PCDHGA5: variants seen among roughly 807,000 people sequenced by gnomAD.
PCDHGA5 encodes the protein protocadherin gamma subfamily A, 5, also known as protocadherin gamma-A5.
In PCDHGA5, 36 loss-of-function variants were observed where a neutral mutation model predicts 56.7. The ratio of observed to expected loss-of-function variants is 0.64; its 90% confidence interval spans 0.49 to 0.84. The LOEUF (loss-of-function observed/expected upper bound fraction) is 0.84, where lower values mean the gene tolerates loss of function less well. Among genes scored for constraint, PCDHGA5 ranks in the 40% least tolerant of loss-of-function variants. The pLI is 0.00. For missense variants in PCDHGA5, 1,305 were observed against 1,201.5 expected, an observed-to-expected ratio of 1.09 and a Z score of -1.27; for synonymous variants, 563 against 520.2, an observed-to-expected ratio of 1.08 and a Z score of -1.12.
chr5:141,402,839 C>T (rs2094312458), intron 1 of PCDHGA5: 1 of 1,386,198 alleles, frequency 7.2e-7, no homozygotes, highest in Non-Finnish European at 9.5e-7. Context: ...TGCAGCAAAA[C>T]TCAGCCTCTT....
Position 141,366,737 on chromosome 5 carries a change from G to GAAC in PCDHGA5, c.2408_2410dup (p.Glu803_Arg804insGln). The GAAC allele has an allele frequency of 1.2e-6, 2 of 1,612,444 alleles. No homozygotes were observed. The highest frequency in any genetic ancestry group is 1.7e-6 in the Non-Finnish European group (2 of 1,178,702). Reference sequence around the variant, plus strand: ...TGATAAGGTAGATGCAAACAAAGAAGAACGGCGAGTTCAGGTTAGTTTTCT... The same window carrying GAAC: ...TGATAAGGTAGATGCAAACAAAGAAGAACAACGGCGAGTTCAGGTTAGTTTTCT... On this transcript the variant is annotated inframe_insertion, in exon 1 of 4. Coordinates refer to ENST00000518069, the MANE Select transcript of PCDHGA5 (RefSeq NM_018918.3).
intron 1 of PCDHGA5, chr5:141,374,852 G>A (rs1770895051): frequency 5.0e-6 from 8 of 1,613,798 alleles, no homozygotes; most frequent in Non-Finnish European, 4.2e-6. Flanking sequence ...AAACCTGCCA[G>A]TAGGCACACC....
At position 141,512,765 on chromosome 5, in the gene PCDHGA5, G is replaced by C. The variant is rs988707269; in HGVS notation, c.*1592G>C. 1 of 152,668 alleles carries C rather than the reference G, an allele frequency of 6.6e-6. No individual in the cohort carries two copies. The highest frequency in any genetic ancestry group is 1.5e-5 in the Non-Finnish European group (1 of 68,460). The allele number at this position is 152,668 out of a possible 1,614,324, so 9.5% of individuals were successfully genotyped here. On this transcript the variant is annotated 3_prime_UTR_variant, in exon 4 of 4. Transcript: ENST00000518069. ...CCGCGCAGCCGTCTGTCCTTGATCT[G>C]CCCGCGGCGGCCCGTGTTGTGTTTT...
chr5:141,376,100 G>A (rs772318189), intron 1 of PCDHGA5: 1 of 1,613,750 alleles, frequency 6.2e-7, no homozygotes, highest in Non-Finnish European at 8.5e-7. Flanking sequence ...CGACATCCTG[G>A]CCGACCTGGG....
chr5:141,416,306 G>A (rs1186519939), intron 1 of PCDHGA5: 1 of 152,186 alleles, frequency 6.6e-6, no homozygotes, highest in Non-Finnish European at 1.5e-5. Flanking sequence ...CTATGTGGAA[G>A]ATATAGCATT....
chr5:141,471,906 G>A (rs1376234079), intron 1 of PCDHGA5, among the ~76,000 whole-genome samples: 2 of 152,192 alleles, frequency 1.3e-5, no homozygotes, highest in African/African-American at 4.8e-5. Context: ...CTACAGACAA[G>A]CATGAGGGAA....
intron 1 of PCDHGA5, chr5:141,408,300 T>TC: frequency 6.2e-7 from 1 of 1,613,732 alleles, no homozygotes; most frequent in South Asian, 1.1e-5. Context: ...AGTGAGCCGA[T>TC]CCGCTACTCG....
chr5:141,506,294 C>T (rs1165174121), intron 3 of PCDHGA5, among the ~76,000 whole-genome samples: 1 of 151,888 alleles, frequency 6.6e-6, no homozygotes, highest in African/African-American at 2.4e-5. Context: ...ACTAAAAATA[C>T]AAAAATTAGC....
chr5:141,405,744 C>T (rs2094711384), intron 1 of PCDHGA5, among the ~76,000 whole-genome samples: 1 of 152,192 alleles, frequency 6.6e-6, no homozygotes, highest in African/African-American at 2.4e-5. Flanking sequence ...TCCCAAAGCA[C>T]TGGGATTACA....
At chr5:141,478,812 A>G (rs952753762) in intron 1 of PCDHGA5, 16 of 1,453,436 alleles carry the variant, frequency 1.1e-5, no homozygotes, top group Non-Finnish European at 1.4e-5. Flanking sequence ...TTGCTATCAC[A>G]ACTAACCAAT....
In PCDHGA5 at chr5:141,512,494, C is replaced by T. The variant is rs2099884262; in HGVS notation, c.*1321C>T. The T allele has an allele frequency of 6.5e-6, 1 of 152,894 alleles. No individual in the cohort carries two copies. Among genetic ancestry groups the T allele is most frequent in the Admixed American group, 6.5e-5 (1 of 15,282 alleles). The allele number at this position is 152,894 out of a possible 1,614,324, so 9.5% of individuals were successfully genotyped here. Reference sequence around the variant, plus strand: ...CTTCCGTGAAGGCCACTGCCCAGGTCCCCAGTGCGCCCCCTAGTGGCCATA... The same window carrying T: ...CTTCCGTGAAGGCCACTGCCCAGGTTCCCAGTGCGCCCCCTAGTGGCCATA... On this transcript the variant is annotated 3_prime_UTR_variant, in exon 4 of 4. Transcript: ENST00000518069.
chr5:141,456,383 T>G (rs1372337704), intron 1 of PCDHGA5, among the ~76,000 whole-genome samples: 4 of 152,130 alleles, frequency 2.6e-5, no homozygotes, highest in Admixed American at 2.6e-4. Flanking sequence ...ACAGCACCGT[T>G]TGGAGTTTGA....
intron 1 of PCDHGA5, chr5:141,393,481 C>A (rs368525192): frequency 6.2e-7 from 1 of 1,614,066 alleles, no homozygotes; most frequent in Non-Finnish European, 8.5e-7. Flanking sequence ...CCGCCTCGCT[C>A]TAGCACAGTG....
chr5:141,467,710 G>A (rs1284029664), intron 1 of PCDHGA5, among the ~76,000 whole-genome samples: 1 of 152,122 alleles, frequency 6.6e-6, no homozygotes, highest in Non-Finnish European at 1.5e-5. Context: ...TGCCCAGGCT[G>A]GAGTGTAGTG....
intron 1 of PCDHGA5, chr5:141,416,686 T>C (rs1341005031): frequency 6.6e-6 from 1 of 152,244 alleles, no homozygotes; most frequent in African/African-American, 2.4e-5. Flanking sequence ...AGGGAAATTA[T>C]ATAAACAAAG....
rs762979829 is a variant in PCDHGA5, at chr5:141,432,863, T to A, written c.2422-61944T>A. 1 of 1,614,074 alleles carries A rather than the reference T, an allele frequency of 6.2e-7. No individual in the cohort carries two copies. Among genetic ancestry groups the A allele is most frequent in the East Asian group, 2.2e-5 (1 of 44,886 alleles). On this transcript the variant is annotated intron_variant, in intron 1 of 3. Coordinates refer to ENST00000518069, the MANE Select transcript of PCDHGA5 (RefSeq NM_018918.3). The surrounding 1 kb of genome is among the most constrained non-coding windows in gnomAD (Gnocchi z 6.0). ...GGTGGTAGCGGTGGCCGCGGTCTCCTGCGTCTTCCTGGCCTTCGTCATCTT... is the reference window on the plus strand; with the variant it reads ...GGTGGTAGCGGTGGCCGCGGTCTCCAGCGTCTTCCTGGCCTTCGTCATCTT...
intron 1 of PCDHGA5, chr5:141,430,809 G>T (rs949727881): frequency 2.0e-6 from 3 of 1,526,896 alleles, no homozygotes; most frequent in Non-Finnish European, 2.6e-6. Flanking sequence ...GTCCTGCTGG[G>T]AATCCTCCTG....
At chr5:141,414,668 A>C in intron 1 of PCDHGA5, 1 of 1,613,856 alleles carries the variant, frequency 6.2e-7, no homozygotes, top group East Asian at 2.2e-5. Context: ...CTGGCTGAAG[A>C]CACCATCCAG....
At chr5:141,389,498 A>T (rs376900362) in intron 1 of PCDHGA5, 6 of 1,612,928 alleles carry the variant, frequency 3.7e-6, no homozygotes, top group African/African-American at 1.3e-5. Context: ...AGGGCTCGCC[A>T]GCGCTCAGCG....
Sources: gnomAD v4.1 joint callset for allele counts (sites outside exome capture counted in the v4.1 genomes callset) on GRCh38, gnomAD v4.1.1 for gene constraint, Gnocchi (gnomAD v3.1) non-coding constraint, MANE v1.5 for transcripts, NCBI Gene and HGNC (gene_info 2026-07-23, HGNC 2026-07-21) for gene names.